Variants in AKNA observed in about 807,000 individuals in gnomAD.
AKNA encodes the protein microtubule organization protein AKNA.
Under a neutral mutation model 138.8 loss-of-function variants are expected in AKNA, and 67 were observed. The ratio of observed to expected loss-of-function variants is 0.48; its 90% CI spans 0.40 to 0.59. The LOEUF is 0.59. Among genes scored for constraint, AKNA ranks in the 20% least tolerant of loss-of-function variants. The pLI is 0.00. For synonymous variants in AKNA, 737 were observed against 754.4 expected, an observed-to-expected ratio of 0.98 and a Z score of 0.38; for missense variants, 1,813 against 1,880.4, an observed-to-expected ratio of 0.96 and a Z score of 0.66.
At chr9:114,357,042 G>A in intron 12 of AKNA, 73 bp from the exon 13 acceptor site, 1 of 1,398,776 alleles carries the variant, frequency 7.1e-7, no homozygotes, top group East Asian at 2.7e-5. Flanking sequence ...CCCAAATCGT[G>A]GCCTGGCCTC....
intron 6 of AKNA, among the ~76,000 whole-genome samples, chr9:114,365,231 A>C (rs1832256705): frequency 6.6e-6 from 1 of 152,246 alleles, no homozygotes; most frequent in African/African-American, 2.4e-5. Flanking sequence ...TTTCTACTAC[A>C]TGTCCTTTGC....
At chr9:114,362,621 G>C (rs1365542824) in intron 7 of AKNA, 88 bp from the exon 8 acceptor site, 1 of 1,457,354 alleles carries the variant, frequency 6.9e-7, no homozygotes, top group East Asian at 2.6e-5. Context: ...CAGCTTGCGG[G>C]AGGCCATGGG....
chr9:114,353,268 T>C lies in AKNA; in HGVS notation c.3059-2247A>G, dbSNP rs561547971. On this transcript the variant is annotated intron_variant, in intron 14 of 21. Coordinates refer to ENST00000374088, the MANE Select transcript of AKNA (RefSeq NM_001317950.2). ...AAAATGATCTTATTTTTTGTTTTTT[T>C]TTTTTATGTTTTTTGAGATGGAGTT... 2.0e-5 allele frequency among the ~76,000 whole-genome samples: 3 copies of C among 151,992 alleles called. No homozygotes were observed. The South Asian group carries it at 6.2e-4, about 32-fold the overall frequency.
chr9:114,379,589 C>T (rs1833488182), intron 2 of AKNA, among the ~76,000 whole-genome samples: 1 of 152,232 alleles, frequency 6.6e-6, no homozygotes, highest in African/African-American at 2.4e-5. Flanking sequence ...TCTCTACCAA[C>T]CACACCAGCC....
At chr9:114,393,537 A>T (rs1005165435) in intron 1 of AKNA, among the ~76,000 whole-genome samples, 3 of 152,012 alleles carry the variant, frequency 2.0e-5, no homozygotes, top group Non-Finnish European at 4.4e-5. Context: ...GGACAGTGTG[A>T]TCTTAATCAC....
chr9:114,385,369 G>A (rs1833955680), intron 1 of AKNA, among the ~76,000 whole-genome samples: 1 of 152,234 alleles, frequency 6.6e-6, no homozygotes, highest in African/African-American at 2.4e-5. Context: ...GCCTCAGGCA[G>A]GGCCTGCCCT....
At chr9:114,330,755 C>A (rs368108808), downstream of AKNA, 4 of 1,607,786 alleles carry the variant, frequency 2.5e-6, no homozygotes, top group Non-Finnish European at 3.4e-6. Flanking sequence ...TCCTCGATAA[C>A]ATTACTGTTT....
Position 114,368,526 on chromosome 9 carries a change from T to G in AKNA, c.1486A>C (p.Lys496Gln). The G allele has an allele frequency of 7.2e-7, 1 of 1,379,544 alleles. No individual in the cohort carries two copies. The highest frequency in any genetic ancestry group is 9.4e-7 in the Non-Finnish European group (1 of 1,058,772). 85.5% of individuals were successfully genotyped at this position (1,379,544 alleles called of 1,614,324 possible). A position where few individuals can be genotyped will look rare whatever the true frequency, so the allele number is the denominator to read the frequency against. Reference protein sequence around the residue: ...IHTGMVPQGTKVLSFTIPQPR... With the variant: ...IHTGMVPQGTQVLSFTIPQPR... The stretch of plus-strand genomic sequence containing the variant: ...TGTGGGATGGTGAAGGACAAGACCT[T>G]GGTCCCCTGGGGCACCATTCCCGTG... Residue 496 changes from lysine (K) to glutamine (Q), a missense_variant, in exon 5 of 22, where the codon AAG becomes CAG. Lys to Gln is a moderately conservative substitution (Grantham distance 53). Coordinates refer to ENST00000374088, the MANE Select transcript of AKNA (RefSeq NM_001317950.2).
chr9:114,374,238 G>T, intron 3 of AKNA, 71 bp from the exon 4 acceptor site: 2 of 1,424,708 alleles, frequency 1.4e-6, no homozygotes, highest in Non-Finnish European at 1.9e-6. Flanking sequence ...GGGAGACCCT[G>T]ATAGCAAACC....
chr9:114,360,725 C>T (rs1256154718), intron 9 of AKNA, among the ~76,000 whole-genome samples: 1 of 152,196 alleles, frequency 6.6e-6, no homozygotes, highest in African/African-American at 2.4e-5. Context: ...ACAGACAAGT[C>T]TTTGCAGCAC....
Position 114,337,013 on chromosome 9 carries a change from G to GGGGGGGGGGGCCCC in AKNA, c.*40_*41insGGGGCCCCCCCCCC. The stretch of plus-strand genomic sequence containing the variant: ...CCACTCCTGGCCTGGCAGGCCACCT[G>GGGGGGGGGGGCCCC]CCCACCCACCCACCCATCTGCCTCT... On this transcript the variant is annotated 3_prime_UTR_variant, in exon 22 of 22. Transcript: ENST00000374088. 2 of 1,185,370 alleles carry GGGGGGGGGGGCCCC rather than the reference G, an allele frequency of 1.7e-6. No homozygotes were observed. The highest frequency in any genetic ancestry group is 2.5e-5 in the South Asian group (1 of 40,612). The allele number at this position is 1,185,370 out of a possible 1,614,324, so 73.4% of individuals were successfully genotyped here. A position where few individuals can be genotyped will look rare whatever the true frequency, so the allele number is the denominator to read the frequency against.
chr9:114,356,219 C>A, intron 13 of AKNA, 83 bp from the exon 14 acceptor site: 1 of 1,326,046 alleles, frequency 7.5e-7, no homozygotes, highest in Non-Finnish European at 1.0e-6. Flanking sequence ...CCTCCACATG[C>A]TAACCCAATA....
At chr9:114,395,955 G>A (rs1834520282), upstream of AKNA, among the ~76,000 whole-genome samples, 1 of 152,132 alleles carries the variant, frequency 6.6e-6, no homozygotes, top group Admixed American at 6.5e-5. Flanking sequence ...TAACACCAGT[G>A]AGAAGCTGTG....
chr9:114,347,546 A>T (rs1028015983), intron 16 of AKNA, among the ~76,000 whole-genome samples, 178 bp downstream of exon 16: 3 of 152,204 alleles, frequency 2.0e-5, no homozygotes, highest in African/African-American at 7.2e-5. Flanking sequence ...AGAGGTTTAT[A>T]TATTCTTTTG....
intron 2 of AKNA, among the ~76,000 whole-genome samples, chr9:114,378,197 T>C (rs1404114652): frequency 6.6e-6 from 1 of 152,172 alleles, no homozygotes; most frequent in Non-Finnish European, 1.5e-5. Context: ...CCTCCCACCA[T>C]GGGGGCTACG....
chr9:114,337,516 G>C (rs1190569201), intron 21 of AKNA, among the ~76,000 whole-genome samples: 3 of 152,146 alleles, frequency 2.0e-5, no homozygotes, highest in African/African-American at 7.2e-5. Flanking sequence ...CAACATGAGT[G>C]CCTGACCCAG....
At chr9:114,358,247 C>A in intron 11 of AKNA, 80 bp from the exon 12 acceptor site, 1 of 1,574,954 alleles carries the variant, frequency 6.3e-7, no homozygotes, top group Non-Finnish European at 8.6e-7. Flanking sequence ...GGGAGCCAAG[C>A]AGCCCAGGGC....
Position 114,337,026 on chromosome 9 carries a change from C to CCCCCCCCCCCCCCCT in AKNA, c.*27_*28insAGGGGGGGGGGGGGG. 1.6e-6 allele frequency: 1 copy of CCCCCCCCCCCCCCCT among 612,718 alleles called. No homozygotes were observed. Among genetic ancestry groups the CCCCCCCCCCCCCCCT allele is most frequent in the Non-Finnish European group, 2.5e-6 (1 of 401,708 alleles). The allele number at this position is 612,718 out of a possible 1,614,324, so 38.0% of individuals were successfully genotyped here. On this transcript the variant is annotated 3_prime_UTR_variant, in exon 22 of 22. Transcript: ENST00000374088. ...GGCAGGCCACCTGCCCACCCACCCA[C>CCCCCCCCCCCCCCCT]CCATCTGCCTCTGGGCCCCCAGTGA...
intron 13 of AKNA, 70 bp from the exon 14 acceptor site, chr9:114,356,206 G>A: frequency 6.9e-7 from 1 of 1,452,590 alleles, no homozygotes; most frequent in Non-Finnish European, 9.4e-7. Context: ...CAGCATCTGA[G>A]CCCCTCCACA....
Sources: gnomAD v4.1 joint callset for allele counts (sites outside exome capture counted in the v4.1 genomes callset) on GRCh38, gnomAD v4.1.1 for gene constraint, MANE v1.5 for transcripts, NCBI Gene and HGNC (gene_info 2026-07-23, HGNC 2026-07-21) for gene names.